Variants in VPS11 observed in about 807,000 individuals in gnomAD.
VPS11 encodes the protein vacuolar protein sorting-associated protein 11 homolog.
Under a neutral mutation model 106.8 loss-of-function variants are expected in VPS11, and 51 were observed. The observed-to-expected ratio is 0.48, with a 90% confidence interval of 0.38 to 0.60. VPS11 has a LOEUF of 0.60. Ranked by LOEUF, VPS11 falls within the 20% of genes least tolerant of loss-of-function variation. The pLI is 0.00. For synonymous variants in VPS11, 453 were observed against 458.7 expected (o/e 0.99, Z 0.16); for missense variants, 950 against 1,190.0 (o/e 0.80, Z 2.97).
Position 119,081,318 on chromosome 11 carries a change from G to C in VPS11, c.2661+4G>C. ...CCATGATCAATTCCAGCATCAGGTG[G>C]GGATGAGTGGGCTAGATGGGCCAGG... On this transcript the variant is annotated splice_donor_region_variant and intron_variant, in intron 15 of 15. Coordinates refer to ENST00000621676, the MANE Select transcript of VPS11 (RefSeq NM_021729.6). 6.2e-7 allele frequency: 1 copy of C among 1,613,970 alleles called. No homozygotes were observed. Among genetic ancestry groups the C allele is most frequent in the Non-Finnish European group, 8.5e-7 (1 of 1,179,850 alleles).
intron 8 of VPS11, 49 bp from the exon 9 acceptor site, chr11:119,077,452 T>C (rs1253533969): frequency 6.3e-7 from 1 of 1,586,828 alleles, no homozygotes; most frequent in Non-Finnish European, 8.6e-7. Context: ...TCCTCTCCCT[T>C]CTCTATCTCC....
chr11:119,067,854 G>C lies in VPS11; in HGVS notation c.31G>C (p.Val11Leu). The C allele has an allele frequency of 1.3e-6, 2 of 1,559,428 alleles. No individual in the cohort carries two copies. The highest frequency in any genetic ancestry group is 2.7e-5 in the African/African-American group (2 of 73,702). MAAYLQWRRF[V>L]FFDKELVKEP... is the part of the protein sequence containing the mutation. The stretch of plus-strand genomic sequence containing the variant: ...GGCCTACCTGCAGTGGCGGCGCTTC[G>C]TTTTCTTCGACAAGGAGCTGGTGAA... Residue 11 changes from valine (V) to leucine (L), a missense_variant, in exon 1 of 16, where the codon GTT becomes CTT. This residue lies in a region of VPS11 where 62 missense variants were observed against 45.1 expected (regional missense o/e 1.37). Coordinates refer to ENST00000621676, the MANE Select transcript of VPS11 (RefSeq NM_021729.6).
At chr11:119,073,723 T>A in intron 6 of VPS11, 77 bp from the exon 7 acceptor site, 1 of 1,491,290 alleles carries the variant, frequency 6.7e-7, no homozygotes. Context: ...TTCTGTTTTG[T>A]GTGTTGTGCG....
At position 119,070,305 on chromosome 11, in the gene VPS11, T is replaced by G; in HGVS notation, c.544T>G (p.Leu182Val). The stretch of plus-strand genomic sequence containing the variant: ...GGACCGGCATAGCAAGACCCAGATT[T>G]TGCACAAGGGCAACTATCCTGTAAC... ...TRDRHSKTQI[L>V]HKGNYPVTGL... Residue 182 changes from leucine to valine, a missense_variant, in exon 4 of 16, where the codon TTG becomes GTG. Coordinates refer to ENST00000621676, the MANE Select transcript of VPS11 (RefSeq NM_021729.6). 2 of 1,613,378 alleles carry G rather than the reference T, an allele frequency of 1.2e-6. No homozygotes were observed. Among genetic ancestry groups the G allele is most frequent in the Non-Finnish European group, 1.7e-6 (2 of 1,179,572 alleles).
rs1365471382 is a variant in VPS11 at position 119,069,272 on chromosome 11, A to G, written c.264A>G (p.Thr88=). 4 of 1,613,994 alleles carry G rather than the reference A, an allele frequency of 2.5e-6. 1 individual carries two copies. The South Asian group carries it at 4.4e-5, about 18-fold the overall frequency. The change falls in exon 2 of 16, where the codon ACA becomes ACG. Residue 88 remains threonine, a synonymous_variant. Transcript: ENST00000621676. ...TCCAAGCCTACAAACTACGGGTGAC[A>G]CACCTGTACCAACTGAAGCAGCACA... ...TGFQAYKLRV[T]HLYQLKQHNI... is the part of the protein sequence containing the mutation.
chr11:119,079,479 T>C (rs960142538), intron 14 of VPS11, among the ~76,000 whole-genome samples, 179 bp downstream of exon 14: 1 of 152,266 alleles, frequency 6.6e-6, no homozygotes, highest in African/African-American at 2.4e-5. Flanking sequence ...TCATTATTTA[T>C]TGGGCTTTGG....
chr11:119,080,404 T>G (rs926155858), intron 14 of VPS11, among the ~76,000 whole-genome samples: 3 of 151,216 alleles, frequency 2.0e-5, no homozygotes, highest in Admixed American at 6.6e-5. Flanking sequence ...GTCTCGCTCT[T>G]GTCCCCCACG....
chr11:119,067,830 G>C lies in VPS11; in HGVS notation c.7G>C (p.Ala3Pro). ...GTGGGAGCCCTGGGCCAAAATGGCG[G>C]CCTACCTGCAGTGGCGGCGCTTCGT... MAAYLQWRRFVFF... is the reference protein window; with the variant it reads MAPYLQWRRFVFF... The change falls in exon 1 of 16, where the codon GCC becomes CCC. Residue 3 changes from alanine (A) to proline (P), a missense_variant. By Grantham distance (27) the Ala-to-Pro change is conservative. Transcript: ENST00000621676. 6.5e-7 allele frequency: 1 copy of C among 1,543,808 alleles called. No individual in the cohort carries two copies.
At position 119,073,192 on chromosome 11, in the gene VPS11, A is replaced by G. The variant is rs782814752; in HGVS notation, c.885-6A>G. 9.3e-6 allele frequency: 15 copies of G among 1,610,236 alleles called. No homozygotes were observed. The highest frequency in any genetic ancestry group is 8.9e-5 in the South Asian group (8 of 90,394). On this transcript the variant is annotated splice_region_variant and splice_polypyrimidine_tract_variant and intron_variant, in intron 5 of 15. Transcript: ENST00000621676. ...AAACATCTGGTGCTTTTTCTTTCCT[A>G]TGCAGGTCAGAGTTTACCAGCAGGG...
At chr11:119,068,508 G>A (rs1945216973) in intron 1 of VPS11, among the ~76,000 whole-genome samples, 1 of 134,774 alleles carries the variant, frequency 7.4e-6, no homozygotes, top group South Asian at 2.3e-4. Flanking sequence ...GGAGTGCAGT[G>A]GCGGGATCTG....
At chr11:119,076,055 G>A (rs565847167) in intron 7 of VPS11, among the ~76,000 whole-genome samples, 2 of 149,876 alleles carry the variant, frequency 1.3e-5, no homozygotes, top group South Asian at 2.1e-4. Context: ...GTGAAACCCC[G>A]TTTCTACTAA....
At chr11:119,071,482 A>G in intron 4 of VPS11, 114 bp from the exon 5 acceptor site, 5 of 1,360,622 alleles carry the variant, frequency 3.7e-6, no homozygotes, top group Non-Finnish European at 5.0e-6. Context: ...CAAGAGAAAG[A>G]CTTTAGAATG....
At chr11:119,071,164 A>G (rs1435877974) in intron 4 of VPS11, among the ~76,000 whole-genome samples, 2 of 152,112 alleles carry the variant, frequency 1.3e-5, no homozygotes, top group East Asian at 3.9e-4. Flanking sequence ...TCCTGGGCCC[A>G]AGCAATCCAC....
At chr11:119,071,237 A>G (rs1300940386) in intron 4 of VPS11, among the ~76,000 whole-genome samples, 1 of 152,110 alleles carries the variant, frequency 6.6e-6, no homozygotes, top group Non-Finnish European at 1.5e-5. Flanking sequence ...CCTATTTTCT[A>G]ACTAACTTTT....
At position 119,078,254 on chromosome 11, in the gene VPS11, C is replaced by T; in HGVS notation, c.1843C>T (p.Gln615Ter). The change falls in exon 11 of 16, where the codon CAG becomes TAG. Residue 615 changes from glutamine to a stop codon, truncating the protein, a stop_gained. Transcript: ENST00000621676. LOFTEE classifies it high-confidence loss of function. ...KAFLEHMSEV[Q>*]PDSPQGIYDT... ...CTTCCTAGAGCACATGAGTGAAGTG[C>T]AGCCAGACTCACCCCAGGGGATCTA... is the stretch of plus-strand genomic sequence containing the variant. The T allele has an allele frequency of 6.2e-7, 1 of 1,613,746 alleles. No individual in the cohort carries two copies. The highest frequency in any genetic ancestry group is 2.2e-5 in the East Asian group (1 of 44,892).
At chr11:119,071,010 C>G (rs563484948) in intron 4 of VPS11, among the ~76,000 whole-genome samples, 94 of 149,348 alleles carry the variant, frequency 6.3e-4, no homozygotes, top group African/African-American at 2.1e-3. Context: ...CTCACTGCAA[C>G]CTCTGCCTCC....
chr11:119,081,415 A>G (rs782498931), intron 15 of VPS11, 44 bp from the exon 16 acceptor site: 63 of 1,612,296 alleles, frequency 3.9e-5, no homozygotes, highest in Non-Finnish European at 4.8e-5. Flanking sequence ...AGAAACAAGC[A>G]CTTTGATTCT....
rs781878357 is a variant in VPS11 at position 119,078,037 on chromosome 11, C to T, written c.1732C>T (p.Arg578Cys). ...TGATTATCGGCCCAGCCTCGAAGGC[C>T]GCAGCGATAGGGAGGCCCCAGGCTG... Reference protein sequence around the residue: ...CTDYRPSLEGRSDREAPGCRA... With the variant: ...CTDYRPSLEGCSDREAPGCRA... Residue 578 changes from arginine to cysteine, a missense_variant, in exon 10 of 16, where the codon CGC becomes TGC. By Grantham distance (180) the Arg-to-Cys change is radical. Around this residue, in one of 3 missense-constraint regions of VPS11, gnomAD observed 453 missense variants for 514.6 expected, o/e 0.88. Coordinates refer to ENST00000621676, the MANE Select transcript of VPS11 (RefSeq NM_021729.6). 1.3e-5 allele frequency: 21 copies of T among 1,612,028 alleles called. No homozygotes were observed. The highest frequency in any genetic ancestry group is 3.3e-5 in the South Asian group (3 of 91,084).
chr11:119,068,738 G>T (rs1175357214), intron 1 of VPS11, among the ~76,000 whole-genome samples: 1 of 150,022 alleles, frequency 6.7e-6, no homozygotes, highest in African/African-American at 2.5e-5. Context: ...GAGCCATCGC[G>T]CCCGGCGCAC....
Sources: gnomAD v4.1 joint callset for allele counts (sites outside exome capture counted in the v4.1 genomes callset) on GRCh38, gnomAD v4.1.1 for gene constraint, gnomAD v4.1.1 regional missense constraint, MANE v1.5 for transcripts, NCBI Gene and HGNC (gene_info 2026-07-23, HGNC 2026-07-21) for gene names.